Variants in RAB11FIP5 observed in about 807,000 individuals in gnomAD.
The protein encoded by RAB11FIP5 is rab11 family-interacting protein 5.
Under a neutral mutation model 85.1 loss-of-function variants are expected in RAB11FIP5, and 48 were observed. That is an observed-to-expected ratio of 0.56 (90% CI 0.45 to 0.72). The LOEUF is 0.72. Among genes scored for constraint, RAB11FIP5 ranks in the 30% least tolerant of loss-of-function variants. RAB11FIP5 has a pLI of 0.00. For synonymous variants in RAB11FIP5, 729 were observed against 727.3 expected (o/e 1.00, Z -0.04); for missense variants, 1,491 against 1,687.0 (o/e 0.88, Z 2.04).
chr2:73,085,153 T>C (rs539191361), intron 3 of RAB11FIP5, among the ~76,000 whole-genome samples: 2 of 152,064 alleles, frequency 1.3e-5, no homozygotes, highest in South Asian at 4.2e-4. Flanking sequence ...AGTTACTCAT[T>C]TACACCACCA....
Position 73,078,388 on chromosome 2 carries a change from GTA to G in RAB11FIP5, c.3581+1261_3581+1262del, listed in dbSNP as rs745685312. On this transcript the variant is annotated intron_variant, in intron 4 of 5. Coordinates refer to ENST00000486777, the MANE Select transcript of RAB11FIP5 (RefSeq NM_001371272.1). The surrounding 1 kb of genome is among the most constrained non-coding windows in gnomAD (Gnocchi z 4.4). ...GAATAAAACTTATAAAAAGTGGCAA[GTA>G]TTATTAGAGGTCATGCTGGCAGACA... 4.6e-5 allele frequency among the ~76,000 whole-genome samples: 7 copies of G among 152,208 alleles called. No individual in the cohort carries two copies. Among genetic ancestry groups the G allele is most frequent in the Non-Finnish European group, 8.8e-5 (6 of 68,042 alleles).
In RAB11FIP5 at chr2:73,088,416, A is replaced by G. The variant is rs1302105018; in HGVS notation, c.1202T>C (p.Leu401Pro). Residue 401 changes from leucine (L) to proline (P), a missense_variant, in exon 3 of 6, where the codon CTT becomes CCT. Leu to Pro is a moderately conservative substitution (Grantham distance 98). Transcript: ENST00000486777. Reference sequence around the variant, plus strand: ...CTGAGCACTCAGCTCCTCCTGTCCAAGCACTGCCTCTGAGCTGCTGTTGCT... The same window carrying G: ...CTGAGCACTCAGCTCCTCCTGTCCAGGCACTGCCTCTGAGCTGCTGTTGCT... Reference protein sequence around the residue: ...SRSNSSSEAVLGQEELSAQAK... With the variant: ...SRSNSSSEAVPGQEELSAQAK... The G allele has an allele frequency of 6.2e-7, 1 of 1,613,766 alleles. No homozygotes were observed. Among genetic ancestry groups the G allele is most frequent in the African/African-American group, 1.3e-5 (1 of 74,930 alleles).
At position 73,073,942 on chromosome 2, in the gene RAB11FIP5, G is replaced by C. The variant is rs1683798063; in HGVS notation, c.*1579C>G. 6.6e-6 allele frequency: 1 copy of C among 152,170 alleles called. No homozygotes were observed. Among genetic ancestry groups the C allele is most frequent in the South Asian group, 2.1e-4 (1 of 4,828 alleles). The allele number at this position is 152,170 out of a possible 1,614,324, so 9.4% of individuals were successfully genotyped here. A position where few individuals can be genotyped will look rare whatever the true frequency, so the allele number is the denominator to read the frequency against. On this transcript the variant is annotated 3_prime_UTR_variant, in exon 6 of 6. Coordinates refer to ENST00000486777, the MANE Select transcript of RAB11FIP5 (RefSeq NM_001371272.1). ...CAGGCCCTCTCCTGAAGAAGTGGTG[G>C]TCCCAGAGGAGCTCTTGCCTCCTCA...
Position 73,112,710 on chromosome 2 carries a change from A to C in RAB11FIP5, c.68T>G (p.Val23Gly). The change falls in exon 1 of 6, where the codon GTG (valine) becomes GGG (glycine). Residue 23 changes from valine (V) to glycine (G), a missense_variant. Physicochemically the swap from Val to Gly is moderately radical, Grantham distance 109 (BLOSUM62 -3). This residue lies in a region of RAB11FIP5 where 1,211 missense variants were observed against 1,338.0 expected (regional missense o/e 0.91). Transcript: ENST00000486777. ...CAGCCCGCGGGCCCGCAGCACCGTC[A>C]CCTGGACGTGCGTGGGCAGCCAGCG... The part of the protein sequence containing the change: ...PSRWLPTHVQ[V>G]TVLRARGLRG... 1.3e-6 allele frequency: 2 copies of C among 1,556,762 alleles called. No individual in the cohort carries two copies. Among genetic ancestry groups the C allele is most frequent in the Non-Finnish European group, 1.7e-6 (2 of 1,153,372 alleles).
At chr2:73,091,696 T>C (rs1005064061) in intron 1 of RAB11FIP5, among the ~76,000 whole-genome samples, 5 of 152,186 alleles carry the variant, frequency 3.3e-5, no homozygotes, top group Admixed American at 6.5e-5. Context: ...ATGTTGAAGT[T>C]TTTTTAAAAA....
At position 73,089,486 on chromosome 2, in the gene RAB11FIP5, C is replaced by G. The variant is rs1031347211; in HGVS notation, c.432-171G>C. On this transcript the variant is annotated intron_variant, in intron 1 of 5. Transcript: ENST00000486777. The surrounding 1 kb of genome is among the most constrained non-coding windows in gnomAD (Gnocchi z 4.6). ...CTGGGCTTCCAGGCTTCAGATGCAG[C>G]TGAGAAACTATCCAAAACATTTCCA... The G allele has an allele frequency of 1.3e-6, 1 of 741,250 alleles. No individual in the cohort carries two copies. The highest frequency in any genetic ancestry group is 1.4e-5 in the South Asian group (1 of 69,206). The allele number at this position is 741,250 out of a possible 1,614,324, so 45.9% of individuals were successfully genotyped here. A position where few individuals can be genotyped will look rare whatever the true frequency, so the allele number is the denominator to read the frequency against.
At chr2:73,087,943 G>C in intron 3 of RAB11FIP5, 107 bp downstream of exon 3, 2 of 1,126,848 alleles carry the variant, frequency 1.8e-6, no homozygotes, top group Non-Finnish European at 2.5e-6. Flanking sequence ...AGCCCCAGCA[G>C]CCTGCCTGAG....
Position 73,074,843 on chromosome 2 carries a change from A to C in RAB11FIP5, c.*678T>G, listed in dbSNP as rs1246676583. 4 of 226,730 alleles carry C rather than the reference A, an allele frequency of 1.8e-5. No individual in the cohort carries two copies. In the Admixed American group the frequency reaches 2.0e-4, roughly 12 times the overall value. 14.0% of individuals were successfully genotyped at this position (226,730 alleles called of 1,614,324 possible). A position where few individuals can be genotyped will look rare whatever the true frequency, so the allele number is the denominator to read the frequency against. ...ACACATTCCCATGTGACACTCGTGG[A>C]AAGGTCAGAGGGGTCAGGGAGCAGC... On this transcript the variant is annotated 3_prime_UTR_variant, in exon 6 of 6. Transcript: ENST00000486777.
Position 73,080,772 on chromosome 2 carries a change from AT to A in RAB11FIP5, c.2459del (p.Asn820IlefsTer30). On this transcript the variant is annotated frameshift_variant, in exon 4 of 6. Transcript: ENST00000486777. LOFTEE classifies it high-confidence loss of function. ...CTGTCTCGACGTCAGGGCAAAGCTG[AT>A]TTTCGCCTCGGGAGGACTCATCGTC... is the stretch of plus-strand genomic sequence containing the variant. ...GQDDESSRGE[N>X]QLCPDVETAD... The A allele has an allele frequency of 8.1e-7, 1 of 1,232,382 alleles. No homozygotes were observed. The highest frequency in any genetic ancestry group is 1.0e-6 in the Non-Finnish European group (1 of 988,130). 76.3% of individuals were successfully genotyped at this position (1,232,382 alleles called of 1,614,324 possible). A position where few individuals can be genotyped will look rare whatever the true frequency, so the allele number is the denominator to read the frequency against.
chr2:73,086,936 T>C lies in RAB11FIP5; in HGVS notation c.1568+1114A>G, dbSNP rs1215037071. 6.6e-6 allele frequency among the ~76,000 whole-genome samples: 1 copy of C among 152,148 alleles called. No individual in the cohort carries two copies. Among genetic ancestry groups the C allele is most frequent in the Non-Finnish European group, 1.5e-5 (1 of 68,028 alleles). On this transcript the variant is annotated intron_variant, in intron 3 of 5. Coordinates refer to ENST00000486777, the MANE Select transcript of RAB11FIP5 (RefSeq NM_001371272.1). The surrounding 1 kb of genome is among the most constrained non-coding windows in gnomAD (Gnocchi z 4.4). ...ACCATGGCCCAAACCTAGAAAGGCC[T>C]GCATGTCTCTCTCCACTCCTCTCAA...
chr2:73,083,642 C>T (rs1684041970), intron 3 of RAB11FIP5, among the ~76,000 whole-genome samples: 1 of 152,184 alleles, frequency 6.6e-6, no homozygotes, highest in South Asian at 2.1e-4. Flanking sequence ...AGAGCCTCAA[C>T]CCCAGCAGAT....
Position 73,112,381 on chromosome 2 carries a change from C to A in RAB11FIP5, c.397G>T (p.Glu133Ter). 6.2e-7 allele frequency: 1 copy of A among 1,600,610 alleles called. No individual in the cohort carries two copies. The highest frequency in any genetic ancestry group is 1.1e-5 in the South Asian group (1 of 90,664). The change falls in exon 1 of 6, where the codon GAG (glutamate) becomes TAG (stop). Residue 133 changes from glutamate (E) to a stop codon, truncating the protein, a stop_gained. Transcript: ENST00000486777. LOFTEE classifies it high-confidence loss of function. ...TGGGCGCGGCCTGCGCCGAAGACCT[C>A]GTCCAGCGCCACCGTGGCCTGGCCC... Reference protein sequence around the residue: ...FLGQATVALDEVFGAGRAQHT... With the variant: ...FLGQATVALD
intron 1 of RAB11FIP5, among the ~76,000 whole-genome samples, chr2:73,111,824 G>A (rs1486219120): frequency 6.6e-6 from 1 of 152,188 alleles, no homozygotes; most frequent in Non-Finnish European, 1.5e-5. Context: ...AGAGCAAGAG[G>A]CAGATGCCCC....
Position 73,088,314 on chromosome 2 carries a change from T to G in RAB11FIP5, c.1304A>C (p.Gln435Pro). The change falls in exon 3 of 6, where the codon CAG (glutamine) becomes CCG (proline). Residue 435 changes from glutamine (Q) to proline (P), a missense_variant. This residue lies in a region of RAB11FIP5 where 1,211 missense variants were observed against 1,338.0 expected (regional missense o/e 0.91). Coordinates refer to ENST00000486777, the MANE Select transcript of RAB11FIP5 (RefSeq NM_001371272.1). Reference sequence around the variant, plus strand: ...GGAGGCCACTATGGGTGTGGCAACCTGGACTGGCTTGCCCTCTGGTAGCCG... The same window carrying G: ...GGAGGCCACTATGGGTGTGGCAACCGGGACTGGCTTGCCCTCTGGTAGCCG... ...GARLPEGKPV[Q>P]VATPIVASSE... 6.2e-7 allele frequency: 1 copy of G among 1,613,732 alleles called. No homozygotes were observed. The highest frequency in any genetic ancestry group is 8.5e-7 in the Non-Finnish European group (1 of 1,179,986).
In RAB11FIP5 at chr2:73,081,527, C is replaced by T. The variant is rs745545408; in HGVS notation, c.1705G>A (p.Ala569Thr). The T allele has an allele frequency of 4.0e-5, 49 of 1,225,592 alleles. No individual in the cohort carries two copies. The highest frequency in any genetic ancestry group is 4.6e-5 in the Non-Finnish European group (45 of 981,952). The allele number at this position is 1,225,592 out of a possible 1,614,324, so 75.9% of individuals were successfully genotyped here. A position where few individuals can be genotyped will look rare whatever the true frequency, so the allele number is the denominator to read the frequency against. The change falls in exon 4 of 6, where the codon GCC becomes ACC. Residue 569 changes from alanine (A) to threonine (T), a missense_variant. By Grantham distance (58) the Ala-to-Thr change is moderately conservative. Transcript: ENST00000486777. This position sits in a 1 kb window ranked among gnomAD's most constrained non-coding sequence, Gnocchi z 4.2. ...GCAGCAGTGGCAGCAGCGGGGGAGG[C>T]GGCTGCAAAAAGGTTAGTGCTTAGC... ...PMLSTNLFAA[A>T]SPAAATAAAA...
At position 73,081,291 on chromosome 2, in the gene RAB11FIP5, C is replaced by T. The variant is rs1683973376; in HGVS notation, c.1941G>A (p.Glu647=). 1 of 1,232,784 alleles carries T rather than the reference C, an allele frequency of 8.1e-7. No homozygotes were observed. The allele number at this position is 1,232,784 out of a possible 1,614,324, so 76.4% of individuals were successfully genotyped here. ...PLASPGKALP[E]WDNTFNVFAA... ...CAAAGACGTTGAAGGTGTTGTCCCACTCAGGCAGGGCTTTCCCAGGGGAGG... is the reference window on the plus strand; with the variant it reads ...CAAAGACGTTGAAGGTGTTGTCCCATTCAGGCAGGGCTTTCCCAGGGGAGG... Residue 647 remains glutamate (E), a synonymous_variant, in exon 4 of 6, where the codon GAG becomes GAA. Transcript: ENST00000486777. The surrounding 1 kb of genome is among the most constrained non-coding windows in gnomAD (Gnocchi z 4.2).
chr2:73,076,978 C>G (rs1683876109), intron 4 of RAB11FIP5, among the ~76,000 whole-genome samples: 2 of 152,194 alleles, frequency 1.3e-5, no homozygotes, highest in African/African-American at 2.4e-5. Flanking sequence ...TTCCTTTGGG[C>G]TGCTTGCCTC....
At chr2:73,087,405 C>T (rs17433200) in intron 3 of RAB11FIP5, among the ~76,000 whole-genome samples, 34 of 152,324 alleles carry the variant, frequency 2.2e-4, no homozygotes, top group Non-Finnish European at 4.3e-4. Flanking sequence ...CGGTGCCATA[C>T]CTCAAGACCA....
At chr2:73,087,989 C>A in intron 3 of RAB11FIP5, 61 bp downstream of exon 3, 1 of 1,471,140 alleles carries the variant, frequency 6.8e-7, no homozygotes, top group Non-Finnish European at 9.2e-7. Context: ...CCCCAGGGTC[C>A]AGGCAGCACA....
Sources: allele counts gnomAD v4.1 joint callset (sites outside exome capture counted in the v4.1 genomes callset), GRCh38; gene constraint gnomAD v4.1.1; regional missense constraint gnomAD v4.1.1; non-coding constraint Gnocchi (gnomAD v3.1); transcripts MANE v1.5; gene names NCBI Gene and HGNC (gene_info 2026-07-23, HGNC 2026-07-21).